The following CATSPERT variants were observed in gnomAD, a reference collection of about 807,000 sequenced individuals.
CATSPERT encodes the protein cation channel sperm-associated targeting subunit tau.
the CATSPERT span, among the ~76,000 whole-genome samples, chr2:201,566,903 C>G: frequency 6.6e-6 from 1 of 152,138 alleles, no homozygotes; most frequent in African/African-American, 2.4e-5. Flanking sequence ...ATTCACTTTT[C>G]ACAGCAAGCC....
chr2:201,613,930 G>A, the CATSPERT span, among the ~76,000 whole-genome samples: 4 of 152,228 alleles, frequency 2.6e-5, no homozygotes, highest in South Asian at 6.2e-4. Context: ...TTCAGTAGCC[G>A]ATTTGATCAA....
the CATSPERT span, among the ~76,000 whole-genome samples, chr2:201,581,534 G>A: frequency 3.8e-3 from 65 of 17,002 alleles, no homozygotes; most frequent in Non-Finnish European, 5.6e-3. Flanking sequence ...AAAATATTCT[G>A]GAAAAAAATG....
chr2:201,584,782 CA>C, the CATSPERT span, among the ~76,000 whole-genome samples: 7 of 146,860 alleles, frequency 4.8e-5, no homozygotes, highest in Admixed American at 2.0e-4. Context: ...GACTCTGTCT[CA>C]AAAAAAAAGA....
At chr2:201,511,856 A>AC in the CATSPERT span, 6 of 149,570 alleles carry the variant, frequency 4.0e-5, no homozygotes, top group Non-Finnish European at 7.4e-5. Context: ...AAAAAAAAAA[A>AC]AAAAAAAAAA....
chr2:201,548,401 C>T, the CATSPERT span, among the ~76,000 whole-genome samples: 8 of 152,202 alleles, frequency 5.3e-5, no homozygotes, highest in African/African-American at 1.7e-4. Context: ...CAGTCCTACC[C>T]TCATGACCTA....
At chr2:201,526,833 C>T in the CATSPERT span, among the ~76,000 whole-genome samples, 2 of 152,164 alleles carry the variant, frequency 1.3e-5, no homozygotes, top group Admixed American at 6.5e-5. Flanking sequence ...AAGCTGGAAA[C>T]ATTCCCTTGA....
the CATSPERT span, chr2:201,534,736 T>C: frequency 1.0e-6 from 1 of 979,108 alleles, no homozygotes; most frequent in Non-Finnish European, 1.2e-6. Flanking sequence ...TGTAAATACA[T>C]TAGGAGATAA....
the CATSPERT span, among the ~76,000 whole-genome samples, chr2:201,490,665 G>A: frequency 4.6e-5 from 7 of 152,142 alleles, no homozygotes; most frequent in Non-Finnish European, 2.9e-5. Context: ...TAACAGTCCC[G>A]CTGATTTTGT....
chr2:201,542,728 AG>A, the CATSPERT span, among the ~76,000 whole-genome samples: 1 of 152,110 alleles, frequency 6.6e-6, no homozygotes, highest in Non-Finnish European at 1.5e-5. Context: ...TGAGTTGAAA[AG>A]TTTCCTTATA....
At chr2:201,538,088 G>A in the CATSPERT span, among the ~76,000 whole-genome samples, 1 of 151,902 alleles carries the variant, frequency 6.6e-6, no homozygotes, top group African/African-American at 2.4e-5. Context: ...ACACAATAAT[G>A]TTAACTATCA....
At chr2:201,497,494 AAGT>A in the CATSPERT span, among the ~76,000 whole-genome samples, 1 of 152,378 alleles carries the variant, frequency 6.6e-6, no homozygotes, top group East Asian at 1.9e-4. Context: ...GTGAAAGAAC[AAGT>A]AGTAGAAAAA....
chr2:201,502,895 G>GT, the CATSPERT span, among the ~76,000 whole-genome samples: 41,396 of 148,442 alleles, frequency 0.28, 6,037 homozygotes, highest in Admixed American at 0.37. Context: ...GTGATACTGT[G>GT]TTGTTTTTTT....
At chr2:201,562,256 C>T in the CATSPERT span, among the ~76,000 whole-genome samples, 1 of 144,070 alleles carries the variant, frequency 6.9e-6, no homozygotes, top group African/African-American at 2.6e-5. Context: ...GGCGCGATCT[C>T]GGCTCACTGA....
the CATSPERT span, among the ~76,000 whole-genome samples, chr2:201,567,626 G>T: frequency 2.6e-5 from 4 of 152,196 alleles, no homozygotes; most frequent in African/African-American, 9.7e-5. Flanking sequence ...GCAGGGAAAA[G>T]TTAATGTCCC....
At chr2:201,612,581 GAAAA>G in the CATSPERT span, among the ~76,000 whole-genome samples, 1 of 111,268 alleles carries the variant, frequency 9.0e-6, no homozygotes, top group Non-Finnish European at 1.7e-5. Context: ...CTCCATCTTG[GAAAA>G]AAAAAAAAAA....
the CATSPERT span, chr2:201,601,642 T>G: frequency 8.3e-7 from 1 of 1,198,680 alleles, no homozygotes; most frequent in South Asian, 1.6e-5. Context: ...CTGCTTTTGT[T>G]TCTTTTCTAC....
chr2:201,587,128 C>T, the CATSPERT span, among the ~76,000 whole-genome samples: 8 of 152,230 alleles, frequency 5.3e-5, no homozygotes, highest in Admixed American at 2.0e-4. Context: ...ATTCTATTTA[C>T]ACCTCCTCAT....
chr2:201,534,907 C>A, the CATSPERT span: 3 of 500,352 alleles, frequency 6.0e-6, no homozygotes, highest in Non-Finnish European at 7.7e-6. Context: ...CATGTAAAGT[C>A]AAAAAATAAA....
At chr2:201,523,106 G>A in the CATSPERT span, among the ~76,000 whole-genome samples, 13 of 152,206 alleles carry the variant, frequency 8.5e-5, no homozygotes, top group African/African-American at 3.1e-4. Context: ...GCACACGTGT[G>A]TGTGGACCTC....
Sources: allele counts gnomAD v4.1 joint callset (sites outside exome capture counted in the v4.1 genomes callset), GRCh38; gene constraint gnomAD v4.1.1; transcripts MANE v1.5; gene names NCBI Gene and HGNC (gene_info 2026-07-23, HGNC 2026-07-21).